The following ADARB1 variants were observed in gnomAD, a reference collection of about 807,000 sequenced individuals.
ADARB1 encodes the protein adenosine deaminase RNA specific B1, also known as double-stranded RNA-specific editase 1.
ADARB1 carries 10 observed loss-of-function variants against 52.4 expected under a neutral mutation model. The ratio of observed to expected loss-of-function variants is 0.19; its 90% confidence interval spans 0.12 to 0.32. The LOEUF (loss-of-function observed/expected upper bound fraction) is 0.32. Among genes scored for constraint, ADARB1 ranks in the 10% least tolerant of loss-of-function variants. ADARB1 has a pLI of 1.00. For synonymous variants in ADARB1, 349 were observed against 371.1 expected (o/e 0.94, Z 0.68); for missense variants, 643 against 922.3 (o/e 0.70, Z 3.92).
intron 1 of ADARB1, among the ~76,000 whole-genome samples, chr21:45,092,613 T>C (rs1264589132): frequency 6.6e-6 from 1 of 152,186 alleles, no homozygotes; most frequent in Non-Finnish European, 1.5e-5. Context: ...TTTTTAAAAA[T>C]GGATACATTC....
At chr21:45,096,023 C>T (rs1483852695) in intron 1 of ADARB1, among the ~76,000 whole-genome samples, 1 of 152,238 alleles carries the variant, frequency 6.6e-6, no homozygotes, top group East Asian at 1.9e-4. Context: ...AGATCAGATA[C>T]AGGCTCTGTT....
intron 1 of ADARB1, among the ~76,000 whole-genome samples, chr21:45,099,866 C>A (rs1258082091): frequency 6.6e-6 from 1 of 152,098 alleles, no homozygotes; most frequent in Non-Finnish European, 1.5e-5. Context: ...CTCCTAGATG[C>A]TGGACATTGG....
At chr21:45,215,328 A>G (rs2146424474) in intron 9 of ADARB1, among the ~76,000 whole-genome samples, 1 of 152,322 alleles carries the variant, frequency 6.6e-6, no homozygotes, top group South Asian at 2.1e-4. Flanking sequence ...GATTATAGGA[A>G]TGATCCACCA....
At chr21:45,092,553 C>T (rs753476617) in intron 1 of ADARB1, among the ~76,000 whole-genome samples, 9 of 152,050 alleles carry the variant, frequency 5.9e-5, no homozygotes, top group Non-Finnish European at 1.0e-4. Context: ...ATCAGGAATT[C>T]GGCTTTAGTC....
intron 1 of ADARB1, among the ~76,000 whole-genome samples, chr21:45,094,807 A>C (rs969649458): frequency 1.3e-5 from 2 of 151,950 alleles, no homozygotes; most frequent in Admixed American, 1.3e-4. Flanking sequence ...CTGTATATCA[A>C]GTACTCACAC....
intron 8 of ADARB1, among the ~76,000 whole-genome samples, chr21:45,191,004 G>A (rs188463770): frequency 6.6e-6 from 1 of 152,302 alleles, no homozygotes; most frequent in African/African-American, 2.4e-5. Flanking sequence ...CAATGGACTG[G>A]ATACTGTAGC....
At chr21:45,178,971 T>C (rs2091817945) in intron 4 of ADARB1, among the ~76,000 whole-genome samples, 1 of 152,214 alleles carries the variant, frequency 6.6e-6, no homozygotes, top group African/African-American at 2.4e-5. Context: ...CTTTGAAAGT[T>C]TGGAGATTCG....
At chr21:45,165,423 T>C (rs551001023) in intron 2 of ADARB1, among the ~76,000 whole-genome samples, 4 of 152,220 alleles carry the variant, frequency 2.6e-5, no homozygotes, top group African/African-American at 9.6e-5. Context: ...AGAAAAAATG[T>C]GTTTGCTGAA....
At chr21:45,211,219 C>G (rs1035014183) in intron 9 of ADARB1, among the ~76,000 whole-genome samples, 1 of 152,186 alleles carries the variant, frequency 6.6e-6, no homozygotes, top group Admixed American at 6.5e-5. Context: ...AGCTCAAGGG[C>G]TGCCCTTAAG....
At chr21:45,147,432 C>T (rs1261370499) in intron 2 of ADARB1, among the ~76,000 whole-genome samples, 3 of 152,142 alleles carry the variant, frequency 2.0e-5, no homozygotes, top group African/African-American at 7.2e-5. Flanking sequence ...ACAGGAGATC[C>T]CGAACTCCCA....
intron 8 of ADARB1, among the ~76,000 whole-genome samples, chr21:45,191,872 ATATATATATT>A (rs2092299759): frequency 9.0e-5 from 2 of 22,162 alleles, no homozygotes; most frequent in African/African-American, 1.7e-4. Context: ...ATATATATAT[ATATATATATT>A]TTTTTTTTTT....
intron 1 of ADARB1, among the ~76,000 whole-genome samples, chr21:45,082,900 C>T (rs545204059): frequency 1.7e-4 from 26 of 152,326 alleles, no homozygotes; most frequent in Middle Eastern, 3.4e-3. Flanking sequence ...CGTCATTCTC[C>T]TGCTCAGAGT....
At position 45,200,041 on chromosome 21, in the gene ADARB1, C is replaced by G. The variant is rs1031594705; in HGVS notation, c.1566-4514C>G. The stretch of plus-strand genomic sequence containing the variant: ...ATAGCAAATGGCCAGAAAAGTTGCC[C>G]GGAAAGAGCCCTGGTGGCCAAAATG... On this transcript the variant is annotated intron_variant, in intron 8 of 10. Transcript: ENST00000348831. The surrounding 1 kb of genome is among the most constrained non-coding windows in gnomAD (Gnocchi z 5.0). 6.6e-6 allele frequency among the ~76,000 whole-genome samples: 1 copy of G among 152,202 alleles called. No homozygotes were observed. The highest frequency in any genetic ancestry group is 2.4e-5 in the African/African-American group (1 of 41,454).
Position 45,223,114 on chromosome 21 carries a change from C to G in ADARB1, c.*917C>G. ...TACTGCACAATACATGGCCTAAGTT[C>G]CCTCTGTTCCTTCCTCTGAATCGAA... is the stretch of plus-strand genomic sequence containing the variant. On this transcript the variant is annotated 3_prime_UTR_variant, in exon 11 of 11. Coordinates refer to ENST00000348831, the MANE Select transcript of ADARB1 (RefSeq NM_001112.4). The G allele has an allele frequency of 1.0e-6, 1 of 985,400 alleles. No homozygotes were observed. The highest frequency in any genetic ancestry group is 1.2e-6 in the Non-Finnish European group (1 of 829,922). 61.0% of individuals were successfully genotyped at this position (985,400 alleles called of 1,614,324 possible). A position where few individuals can be genotyped will look rare whatever the true frequency, so the allele number is the denominator to read the frequency against.
intron 8 of ADARB1, among the ~76,000 whole-genome samples, chr21:45,187,956 CT>C (rs1001944195): frequency 2.6e-5 from 4 of 151,982 alleles, no homozygotes; most frequent in African/African-American, 7.3e-5. Context: ...TTTTTTTACC[CT>C]TCTTCATGTC....
chr21:45,191,866 ATATATATATATATATTTTTTTTT>A (rs1406088458), intron 8 of ADARB1, among the ~76,000 whole-genome samples: 2 of 13,708 alleles, frequency 1.5e-4, no homozygotes, highest in African/African-American at 2.1e-4. Context: ...ATATATATAT[ATATATATATATATATTTTTTTTT>A]TTTTTTTTTT....
At chr21:45,089,685 T>C (rs886154567) in intron 1 of ADARB1, among the ~76,000 whole-genome samples, 2 of 152,256 alleles carry the variant, frequency 1.3e-5, no homozygotes, top group East Asian at 3.8e-4. Flanking sequence ...GCTAATCATT[T>C]GCCTTTGTCA....
chr21:45,165,512 G>C (rs1301277213), intron 2 of ADARB1, among the ~76,000 whole-genome samples: 1 of 152,136 alleles, frequency 6.6e-6, no homozygotes, highest in African/African-American at 2.4e-5. Flanking sequence ...CGGTTTCCTA[G>C]AAGGTAAAAT....
intron 2 of ADARB1, among the ~76,000 whole-genome samples, chr21:45,141,477 A>G (rs1298349891): frequency 1.3e-5 from 2 of 152,214 alleles, no homozygotes; most frequent in Non-Finnish European, 2.9e-5. Flanking sequence ...CCAGTTTAGT[A>G]TCAAATTTAT....
Sources: allele counts gnomAD v4.1 joint callset (sites outside exome capture counted in the v4.1 genomes callset), GRCh38; gene constraint gnomAD v4.1.1; non-coding constraint Gnocchi (gnomAD v3.1); transcripts MANE v1.5; gene names NCBI Gene and HGNC (gene_info 2026-07-23, HGNC 2026-07-21).